ZNF417: variants seen among roughly 807,000 people sequenced by gnomAD.
ZNF417 encodes the protein zinc finger protein 417.
ZNF417 carries 5 observed loss-of-function variants against 7.4 expected under a neutral mutation model. The observed-to-expected ratio is 0.68, with a 90% CI of 0.35 to 1.43. The LOEUF is 1.43. ZNF417 is among the 40% of genes most tolerant of loss of function. The pLI is 0.04. For synonymous variants in ZNF417, 147 were observed against 239.1 expected, an observed-to-expected ratio of 0.61 and a Z score of 3.55; for missense variants, 437 against 697.3, an observed-to-expected ratio of 0.63 and a Z score of 4.20.
intron 2 of ZNF417, 43 bp from the exon 3 acceptor site, chr19:57,910,157 C>A (rs750799404): frequency 3.8e-6 from 6 of 1,583,960 alleles, no homozygotes; most frequent in East Asian, 2.2e-5. Context: ...GTACCTCTGA[C>A]GGGAAGGCAC....
Position 57,909,042 on chromosome 19 carries a change from T to C in ZNF417, c.1236A>G (p.Glu412=). The C allele has an allele frequency of 6.2e-7, 1 of 1,614,118 alleles. No individual in the cohort carries two copies. The highest frequency in any genetic ancestry group is 8.5e-7 in the Non-Finnish European group (1 of 1,179,968). ...ATCTGTACCTAAATGATTTCCCACA[T>C]TCCTTGCACTCATAGGGCCTTTCTC... ...HTGERPYECK[E]CGKSFRYRSH... The change falls in exon 3 of 3, where the codon GAA becomes GAG. Residue 412 remains glutamate, a synonymous_variant. Transcript: ENST00000312026.
Position 57,909,241 on chromosome 19 carries a change from T to C in ZNF417, c.1037A>G (p.His346Arg). 4 of 1,614,188 alleles carry C rather than the reference T, an allele frequency of 2.5e-6. No homozygotes were observed. The highest frequency in any genetic ancestry group is 3.4e-6 in the Non-Finnish European group (4 of 1,180,024). ...KGNLIQHQQGHTGERAYHCGE... is the reference protein window; with the variant it reads ...KGNLIQHQQGRTGERAYHCGE... Reference sequence around the variant, plus strand: ...ACAGTGATAAGCTCTCTCTCCAGTGTGACCTTGCTGATGTTGAATGAGGTT... The same window carrying C: ...ACAGTGATAAGCTCTCTCTCCAGTGCGACCTTGCTGATGTTGAATGAGGTT... The change falls in exon 3 of 3, where the codon CAC becomes CGC. Residue 346 changes from histidine to arginine, a missense_variant. His to Arg is a conservative substitution (Grantham distance 29). This residue lies in a region of ZNF417 where 53 missense variants were observed against 91.9 expected (regional missense o/e 0.58). Coordinates refer to ENST00000312026, the MANE Select transcript of ZNF417 (RefSeq NM_152475.3).
intron 1 of ZNF417, chr19:57,915,623 G>A: frequency 2.8e-6 from 1 of 362,378 alleles, no homozygotes; most frequent in Non-Finnish European, 4.9e-6. Context: ...CCTGGGTATA[G>A]GCTGAATTAA....
At position 57,908,684 on chromosome 19, in the gene ZNF417, A is replaced by G; in HGVS notation, c.1594T>C (p.Cys532Arg). ...CSECGKSFAE[C>R]SSLIKHRRIH... ...CTCCTGTGTTTAATGAGACTGGAAC[A>G]TTCAGCAAAGGATTTTCCACATTCA... is the stretch of plus-strand genomic sequence containing the variant. The change falls in exon 3 of 3, where the codon TGT (cysteine) becomes CGT (arginine). Residue 532 changes from cysteine to arginine, a missense_variant. Around this residue, in one of 5 missense-constraint regions of ZNF417, gnomAD observed 233 missense variants for 235.5 expected, o/e 0.99. Coordinates refer to ENST00000312026, the MANE Select transcript of ZNF417 (RefSeq NM_152475.3). The G allele has an allele frequency of 6.2e-7, 1 of 1,613,402 alleles. No homozygotes were observed. Among genetic ancestry groups the G allele is most frequent in the East Asian group, 2.2e-5 (1 of 44,790 alleles).
intron 2 of ZNF417, among the ~76,000 whole-genome samples, chr19:57,910,384 A>G (rs183256283): frequency 5.6e-4 from 85 of 151,880 alleles, no homozygotes; most frequent in African/African-American, 2.0e-3. Context: ...CATCTCTACT[A>G]AAAATACAAA....
At chr19:57,910,341 T>G (rs1226462356) in intron 2 of ZNF417, among the ~76,000 whole-genome samples, 2 of 151,662 alleles carry the variant, frequency 1.3e-5, no homozygotes, top group Non-Finnish European at 2.9e-5. Flanking sequence ...AGGTCAGAAG[T>G]TCGAGACCAG....
At chr19:57,912,299 G>C (rs1159859363) in intron 1 of ZNF417, 110 bp from the exon 2 acceptor site, 23 of 1,540,058 alleles carry the variant, frequency 1.5e-5, no homozygotes, top group Non-Finnish European at 2.0e-5. Context: ...CCCCAACATA[G>C]TGTTGAAACT....
intron 1 of ZNF417, chr19:57,915,455 C>T: frequency 2.1e-6 from 1 of 473,604 alleles, no homozygotes; most frequent in Non-Finnish European, 3.9e-6. Context: ...GCCTGCGCCC[C>T]TCCCTGTGCT....
chr19:57,911,784 G>T (rs997867515), intron 2 of ZNF417, among the ~76,000 whole-genome samples: 29 of 152,160 alleles, frequency 1.9e-4, no homozygotes, highest in African/African-American at 6.8e-4. Context: ...AAGAGCTACC[G>T]ATTTGGACAG....
chr19:57,914,611 A>T (rs550712036), intron 1 of ZNF417, among the ~76,000 whole-genome samples: 49 of 151,522 alleles, frequency 3.2e-4, no homozygotes, highest in Non-Finnish European at 6.0e-4. Flanking sequence ...CACCTGGATT[A>T]TGGCAGGAGC....
At position 57,909,034 on chromosome 19, in the gene ZNF417, T is replaced by A; in HGVS notation, c.1244A>T (p.Lys415Ile). ...GAGGTGGGATCTGTACCTAAATGAT[T>A]TCCCACATTCCTTGCACTCATAGGG... ...ERPYECKECG[K>I]SFRYRSHLTE... is the part of the protein sequence containing the mutation. The change falls in exon 3 of 3, where the codon AAA becomes ATA. Residue 415 changes from lysine to isoleucine, a missense_variant. By Grantham distance (102) the Lys-to-Ile change is moderately radical. This residue lies in a region of ZNF417 where 233 missense variants were observed against 235.5 expected (regional missense o/e 0.99). Coordinates refer to ENST00000312026, the MANE Select transcript of ZNF417 (RefSeq NM_152475.3). 3 of 1,613,988 alleles carry A rather than the reference T, an allele frequency of 1.9e-6. No homozygotes were observed. Among genetic ancestry groups the A allele is most frequent in the Non-Finnish European group, 2.5e-6 (3 of 1,179,886 alleles).
chr19:57,914,134 C>A (rs952882308), intron 1 of ZNF417, among the ~76,000 whole-genome samples: 7 of 152,136 alleles, frequency 4.6e-5, no homozygotes, highest in African/African-American at 1.4e-4. Context: ...CTGCTAAGAT[C>A]AAAAACCTTG....
chr19:57,916,123 G>C (rs1407922098), intron 1 of ZNF417, among the ~76,000 whole-genome samples: 2 of 152,248 alleles, frequency 1.3e-5, no homozygotes, highest in Non-Finnish European at 2.9e-5. Context: ...ACGGCTCTGC[G>C]TCAATTACTA....
In ZNF417 at chr19:57,912,283, C is replaced by T. The variant is rs976062973; in HGVS notation, c.34-94G>A. 7 of 1,574,786 alleles carry T rather than the reference C, an allele frequency of 4.4e-6. No homozygotes were observed. In the Admixed American group the frequency reaches 5.8e-5, roughly 13 times the overall value. On this transcript the variant is annotated intron_variant, in intron 1 of 2. Transcript: ENST00000312026. Reference sequence around the variant, plus strand: ...CACCCACACTTGCCCATCCTCCTCCCAAGGTCCCCAACATAGTGTTGAAAC... The same window carrying T: ...CACCCACACTTGCCCATCCTCCTCCTAAGGTCCCCAACATAGTGTTGAAAC...
intron 1 of ZNF417, among the ~76,000 whole-genome samples, chr19:57,913,671 G>C (rs1299548138): frequency 2.0e-5 from 3 of 152,134 alleles, no homozygotes; most frequent in African/African-American, 7.2e-5. Context: ...GCTTCTGCAT[G>C]CATCTATCTC....
rs1180110149 is a variant in ZNF417, at chr19:57,906,760, C to CAAAAAAAAAAAAAAAAAAAAA, written c.*1769_*1789dup. On this transcript the variant is annotated 3_prime_UTR_variant, in exon 3 of 3. Transcript: ENST00000312026. ...TGGGTGACAGAGTGAGACTCTGTCTCAAAAAAAAAAAAAAAAAAAAATTTA... is the reference window on the plus strand; with the variant it reads ...TGGGTGACAGAGTGAGACTCTGTCTCAAAAAAAAAAAAAAAAAAAAAAAAAAAAAAAAAAAAAAAAAATTTA... 6.6e-5 allele frequency: 2 copies of CAAAAAAAAAAAAAAAAAAAAA among 30,524 alleles called. No individual in the cohort carries two copies. The highest frequency in any genetic ancestry group is 1.3e-4 in the African/African-American group (1 of 7,846). 1.9% of individuals were successfully genotyped at this position (30,524 alleles called of 1,614,324 possible).
chr19:57,909,780 T>G lies in ZNF417; in HGVS notation c.498A>C (p.Ser166=). Residue 166 remains serine (S), a synonymous_variant, in exon 3 of 3, where the codon TCA becomes TCC. Coordinates refer to ENST00000312026, the MANE Select transcript of ZNF417 (RefSeq NM_152475.3). ...ACTCGCGGAAGACAAATGGCTCCTG[T>G]GACACCCTGAGCTTACGTTTCTTTA... is the stretch of plus-strand genomic sequence containing the variant. ...SFVKKRKLRV[S]QEPFVFREFG... 1 of 1,513,118 alleles carries G rather than the reference T, an allele frequency of 6.6e-7. No homozygotes were observed. The highest frequency in any genetic ancestry group is 8.9e-7 in the Non-Finnish European group (1 of 1,118,962). 93.7% of individuals were successfully genotyped at this position (1,513,118 alleles called of 1,614,324 possible). A position where few individuals can be genotyped will look rare whatever the true frequency, so the allele number is the denominator to read the frequency against.
intron 2 of ZNF417, among the ~76,000 whole-genome samples, chr19:57,910,809 T>C (rs2071892910): frequency 6.6e-6 from 1 of 152,070 alleles, no homozygotes; most frequent in Non-Finnish European, 1.5e-5. Context: ...TTTGCAAGGG[T>C]GAGGCAAGTG....
rs987193200 is a variant in ZNF417 at position 57,908,173 on chromosome 19, G to A, written c.*377C>T. 3.5e-5 allele frequency: 10 copies of A among 289,070 alleles called. No homozygotes were observed. Among genetic ancestry groups the A allele is most frequent in the Admixed American group, 4.8e-5 (1 of 20,766 alleles). 17.9% of individuals were successfully genotyped at this position (289,070 alleles called of 1,614,324 possible). A position where few individuals can be genotyped will look rare whatever the true frequency, so the allele number is the denominator to read the frequency against. On this transcript the variant is annotated 3_prime_UTR_variant, in exon 3 of 3. Transcript: ENST00000312026. ...TGTTTCACTGCCCAGCAATCTATAC[G>A]TATTGTCACTTGGGGACACTTATGA...
Sources: gnomAD v4.1 joint callset for allele counts (sites outside exome capture counted in the v4.1 genomes callset) on GRCh38, gnomAD v4.1.1 for gene constraint, gnomAD v4.1.1 regional missense constraint, MANE v1.5 for transcripts, NCBI Gene and HGNC (gene_info 2026-07-23, HGNC 2026-07-21) for gene names.